SLC4A4: variants seen among roughly 807,000 people sequenced by gnomAD.
SLC4A4 encodes electrogenic sodium bicarbonate cotransporter 1.
A neutral mutation model predicts 111.5 loss-of-function variants in SLC4A4; 27 were observed. The ratio of observed to expected loss-of-function variants is 0.24; its 90% CI spans 0.18 to 0.33. SLC4A4 has a LOEUF of 0.33. Ranked by LOEUF, SLC4A4 falls within the 10% of genes least tolerant of loss-of-function variation. The probability of loss-of-function intolerance (pLI) is 1.00; values close to 1 mark genes in which losing one functional copy is unlikely to be tolerated. For missense variants in SLC4A4, 909 were observed against 1,315.5 expected (o/e 0.69, Z 4.78); for synonymous variants, 443 against 463.4 (o/e 0.96, Z 0.57).
intron 4 of SLC4A4, among the ~76,000 whole-genome samples, chr4:71,345,934 C>T (rs1004114676): frequency 1.1e-4 from 16 of 152,012 alleles, no homozygotes; most frequent in African/African-American, 3.4e-4. Flanking sequence ...TACACACTAA[C>T]GTTGGCTTCT....
chr4:71,434,474 A>C, intron 7 of SLC4A4: 1 of 190,614 alleles, frequency 5.2e-6, no homozygotes, highest in Non-Finnish European at 1.1e-5. Flanking sequence ...CCTCCTCTTC[A>C]GAAGTCACCT....
At chr4:71,190,442 T>C (rs983190572) in intron 1 of SLC4A4, among the ~76,000 whole-genome samples, 1 of 150,962 alleles carries the variant, frequency 6.6e-6, no homozygotes, top group African/African-American at 2.5e-5. Context: ...ACACAACTCA[T>C]TTGTAGAGGT....
At chr4:71,448,652 T>G (rs1025869003) in intron 9 of SLC4A4, among the ~76,000 whole-genome samples, 5 of 152,206 alleles carry the variant, frequency 3.3e-5, no homozygotes, top group Non-Finnish European at 7.3e-5. Context: ...ATTTTAGATA[T>G]GAGAAAATTC....
At chr4:71,184,607 T>C (rs964766320), upstream of SLC4A4, among the ~76,000 whole-genome samples, 5 of 152,194 alleles carry the variant, frequency 3.3e-5, no homozygotes, top group African/African-American at 1.2e-4. Flanking sequence ...CATCAGTTTT[T>C]CTGCTCATTC....
At chr4:71,435,905 AC>A (rs1434702876) in intron 7 of SLC4A4, among the ~76,000 whole-genome samples, 1 of 152,206 alleles carries the variant, frequency 6.6e-6, no homozygotes, top group Non-Finnish European at 1.5e-5. Flanking sequence ...AAGTCAGGAA[AC>A]AACAGGTGCT....
At chr4:71,411,495 T>A (rs182600122) in intron 7 of SLC4A4, among the ~76,000 whole-genome samples, 76 of 152,298 alleles carry the variant, frequency 5.0e-4, no homozygotes, top group African/African-American at 1.5e-3. Flanking sequence ...TGGCTACATG[T>A]TTATCTTCAC....
rs56164928 is a variant in SLC4A4, at chr4:71,531,754, TACAC to T, written c.2167-260_2167-257del. ...GTTCTATTTGATTGCCCTCCCTGCC[TACAC>T]ACACACACACACACACACACACACA... is the stretch of plus-strand genomic sequence containing the variant. On this transcript the variant is annotated intron_variant, in intron 16 of 25. Transcript: ENST00000264485. Among the ~76,000 whole-genome samples, 423 of 128,188 alleles carry T rather than the reference TACAC, an allele frequency of 3.3e-3. 5 individuals are homozygous for T. Among genetic ancestry groups the T allele is most frequent in the East Asian group, 0.011 (49 of 4,396 alleles). The allele number at this position is 128,188 out of a possible 152,430, so 84.1% of individuals were successfully genotyped here.
chr4:71,556,970 C>T (rs1036825251), intron 21 of SLC4A4, among the ~76,000 whole-genome samples: 4 of 151,970 alleles, frequency 2.6e-5, no homozygotes, highest in African/African-American at 9.7e-5. Flanking sequence ...CCATTCGTCA[C>T]TGGCAAGGTC....
rs973682248 is a variant in SLC4A4, at chr4:71,497,519, G to A, written c.1993G>A (p.Asp665Asn). 1.2e-6 allele frequency: 2 copies of A among 1,613,204 alleles called. No homozygotes were observed. Among genetic ancestry groups the A allele is most frequent in the African/African-American group, 1.3e-5 (1 of 74,970 alleles). ...STDMYHNTTF[D>N]WAFLSKKECS... is the part of the protein sequence containing the mutation. Reference sequence around the variant, plus strand: ...TCTTCAGTACCATAATACTACCTTTGACTGGGCATTTTTGTCGAAGAAGGA... The same window carrying A: ...TCTTCAGTACCATAATACTACCTTTAACTGGGCATTTTTGTCGAAGAAGGA... Residue 665 changes from aspartate (D) to asparagine (N), a missense_variant, in exon 16 of 26, where the codon GAC becomes AAC. By Grantham distance (23) the Asp-to-Asn change is conservative. Transcript: ENST00000264485.
chr4:71,437,196 G>A (rs540973064), intron 7 of SLC4A4: 142 of 403,736 alleles, frequency 3.5e-4, no homozygotes, highest in African/African-American at 1.9e-3. Flanking sequence ...GAATACTTGA[G>A]TCCCTATGCT....
chr4:71,299,260 A>T (rs560106660), intron 3 of SLC4A4, among the ~76,000 whole-genome samples: 29 of 152,308 alleles, frequency 1.9e-4, no homozygotes, highest in African/African-American at 6.5e-4. Flanking sequence ...GTGCTAAGGA[A>T]ATGAGTAGCA....
chr4:71,422,638 C>T lies in SLC4A4; in HGVS notation c.808-17978C>T, dbSNP rs186821900. Among the ~76,000 whole-genome samples the T allele has an allele frequency of 2.1e-4, 32 of 152,036 alleles. 1 individual carries two copies. The highest frequency in any genetic ancestry group is 1.2e-3 in the Admixed American group (19 of 15,282). On this transcript the variant is annotated intron_variant, in intron 7 of 25. Coordinates refer to ENST00000264485, the MANE Select transcript of SLC4A4 (RefSeq NM_001098484.3). ...GCAGCACATCAAAAAGCTTATCCAC[C>T]GTGATCAAGTGGGCTTCATCCCTGG...
intron 15 of SLC4A4, among the ~76,000 whole-genome samples, chr4:71,488,928 G>GTGTGTGTGT (rs1307362984): frequency 2.0e-5 from 3 of 147,928 alleles, no homozygotes; most frequent in South Asian, 2.1e-4. Context: ...GTGTGTGTGT[G>GTGTGTGTGT]GTCATGAAGG....
intron 2 of SLC4A4, among the ~76,000 whole-genome samples, chr4:71,093,102 A>AT (rs1742433489): frequency 7.9e-6 from 1 of 125,796 alleles, no homozygotes; most frequent in South Asian, 2.8e-4. Flanking sequence ...CTCAAAAATA[A>AT]AAATAAAATA....
At chr4:71,440,969 T>C (rs1164137277) in intron 8 of SLC4A4, among the ~76,000 whole-genome samples, 196 bp downstream of exon 8, 1 of 152,222 alleles carries the variant, frequency 6.6e-6, no homozygotes, top group Non-Finnish European at 1.5e-5. Context: ...GCAATTATAA[T>C]AGTTTATTGG....
At chr4:71,377,482 G>T (rs1314822424) in intron 6 of SLC4A4, among the ~76,000 whole-genome samples, 3 of 152,176 alleles carry the variant, frequency 2.0e-5, no homozygotes, top group Non-Finnish European at 4.4e-5. Context: ...GTGAGAGGAA[G>T]AGCAGGTCTT....
At chr4:71,281,746 G>A (rs1723533406) in intron 3 of SLC4A4, among the ~76,000 whole-genome samples, 2 of 152,114 alleles carry the variant, frequency 1.3e-5, no homozygotes, top group Non-Finnish European at 2.9e-5. Flanking sequence ...TATTTCTAAT[G>A]CTACAGTGGG....
At chr4:71,236,530 TC>T (rs780481856) in intron 1 of SLC4A4, 45 bp from the exon 2 acceptor site, 1 of 1,566,092 alleles carries the variant, frequency 6.4e-7, no homozygotes, top group South Asian at 1.1e-5. Flanking sequence ...AGTGGCTCGC[TC>T]CAGGAGAAGT....
At chr4:71,203,279 A>G (rs1370387438) in intron 1 of SLC4A4, among the ~76,000 whole-genome samples, 1 of 152,224 alleles carries the variant, frequency 6.6e-6, no homozygotes. Flanking sequence ...AATGGGAAAC[A>G]ACTCTATATC....
Sources: allele counts gnomAD v4.1 joint callset (sites outside exome capture counted in the v4.1 genomes callset), GRCh38; gene constraint gnomAD v4.1.1; transcripts MANE v1.5; gene names NCBI Gene and HGNC (gene_info 2026-07-23, HGNC 2026-07-21).